NCOR2: variants seen among roughly 807,000 people sequenced by gnomAD.
NCOR2 encodes nuclear receptor corepressor 2, also known as CTG repeat protein 26.
Under a neutral mutation model 262.9 loss-of-function variants are expected in NCOR2, and 81 were observed. The observed-to-expected ratio is 0.31, with a 90% CI of 0.26 to 0.37. The LOEUF (loss-of-function observed/expected upper bound fraction) is 0.37. Among genes scored for constraint, NCOR2 ranks in the 10% least tolerant of loss-of-function variants. The pLI is 1.00. For synonymous variants in NCOR2, 1,659 were observed against 1,559.3 expected, an observed-to-expected ratio of 1.06 and a Z score of -1.51; for missense variants, 3,385 against 3,621.4, an observed-to-expected ratio of 0.93 and a Z score of 1.68.
rs1196779807 is a variant in NCOR2 at position 124,481,174 on chromosome 12, A to G, written c.411+2422T>C. On this transcript the variant is annotated intron_variant, in intron 3 of 46. Transcript: ENST00000405201. The surrounding 1 kb of genome is among the most constrained non-coding windows in gnomAD (Gnocchi z 4.6). ...GAGAGGGAGGAAGAAGGAGGGAGGAAGGTGTAGAAGGAGAGAAGGAAGGGG... is the reference window on the plus strand; with the variant it reads ...GAGAGGGAGGAAGAAGGAGGGAGGAGGGTGTAGAAGGAGAGAAGGAAGGGG... 6.7e-6 allele frequency among the ~76,000 whole-genome samples: 1 copy of G among 150,178 alleles called. No individual in the cohort carries two copies. The highest frequency in any genetic ancestry group is 6.6e-5 in the Admixed American group (1 of 15,138).
intron 2 of NCOR2, 173 bp downstream of exon 4, chr12:124,486,268 C>G: frequency 9.9e-7 from 1 of 1,013,716 alleles, no homozygotes; most frequent in South Asian, 1.6e-5. Flanking sequence ...CTTCCCTGCT[C>G]GTCCCATCCT....
Position 124,504,703 on chromosome 12 carries a change from C to T in NCOR2, c.-117-9335G>A, listed in dbSNP as rs548490008. On this transcript the variant is annotated intron_variant, in intron 1 of 46. Transcript: ENST00000404621. This position sits in a 1 kb window ranked among gnomAD's most constrained non-coding sequence, Gnocchi z 4.5. ...CCATCAATGGACTACGATTCAGCCACGCAAAGGTAAGCGCTGACTCAGCCA... is the reference window on the plus strand; with the variant it reads ...CCATCAATGGACTACGATTCAGCCATGCAAAGGTAAGCGCTGACTCAGCCA... Among the ~76,000 whole-genome samples, 8 of 152,358 alleles carry T rather than the reference C, an allele frequency of 5.3e-5. No homozygotes were observed. Among genetic ancestry groups the T allele is most frequent in the East Asian group, 3.9e-4 (2 of 5,194 alleles).
chr12:124,437,940 C>T (rs2044460267), exon 8 of NCOR2: 3 of 1,612,120 alleles, frequency 1.9e-6, no homozygotes, highest in Non-Finnish European at 2.5e-6. Flanking sequence ...CCATTGTTTC[C>T]GAGCGTGATT....
At chr12:124,439,103 GGAGAGACAGAGACCCA>G (rs2044624494) in intron 7 of NCOR2, among the ~76,000 whole-genome samples, 1 of 86,780 alleles carries the variant, frequency 1.2e-5, no homozygotes, top group Admixed American at 1.4e-4. Context: ...AGAGACAGAG[GGAGAGACAGAGACCCA>G]GAGACAGAGA....
chr12:124,404,344 T>C (rs2042152799), intron 13 of NCOR2, among the ~76,000 whole-genome samples: 1 of 152,178 alleles, frequency 6.6e-6, no homozygotes, highest in Admixed American at 6.5e-5. Flanking sequence ...GGCTTTTGAA[T>C]CACACGGGCT....
At chr12:124,434,499 C>T (rs894241100) in intron 8 of NCOR2, among the ~76,000 whole-genome samples, 3 of 152,142 alleles carry the variant, frequency 2.0e-5, no homozygotes, top group Non-Finnish European at 4.4e-5. Context: ...CCTCCACCCC[C>T]TCCACAGACC....
At chr12:124,445,654 TGACCCCG>T (rs1798369473) in intron 7 of NCOR2, among the ~76,000 whole-genome samples, 1 of 152,128 alleles carries the variant, frequency 6.6e-6, no homozygotes, top group South Asian at 2.1e-4. Context: ...GAGCCCCACC[TGACCCCG>T]GCTGGATCAT....
chr12:124,563,716 T>TAA (rs1205386113), intron 1 of NCOR2, among the ~76,000 whole-genome samples: 3 of 152,274 alleles, frequency 2.0e-5, no homozygotes, highest in African/African-American at 7.2e-5. Flanking sequence ...ATGTTTCAGA[T>TAA]AAAATGAGAC....
At chr12:124,489,760 C>A (rs1175451887) in intron 1 of NCOR2, among the ~76,000 whole-genome samples, 1 of 152,110 alleles carries the variant, frequency 6.6e-6, no homozygotes, top group Non-Finnish European at 1.5e-5. Context: ...GGAGGGAATC[C>A]CAGCTGGTGC....
At chr12:124,383,863 C>T (rs1049717275) in intron 17 of NCOR2, among the ~76,000 whole-genome samples, 6 of 152,222 alleles carry the variant, frequency 3.9e-5, no homozygotes, top group African/African-American at 7.2e-5. Flanking sequence ...GATGGTTCAC[C>T]GTGCTGGGGT....
At chr12:124,496,983 C>T (rs80134151), upstream of NCOR2, among the ~76,000 whole-genome samples, 4,176 of 152,280 alleles carry the variant, frequency 0.027, 180 homozygotes, top group African/African-American at 0.094. This position sits in a 1 kb window ranked among gnomAD's most constrained non-coding sequence, Gnocchi z 4.4. Flanking sequence ...CCACGCCCAC[C>T]GGCAGGAAGG....
exon 47 of NCOR2, chr12:124,325,469 T>A: frequency 7.7e-7 from 1 of 1,303,888 alleles, no homozygotes; most frequent in Non-Finnish European, 9.8e-7. Context: ...GTCCCAGGCG[T>A]GGTGGGGGCC....
At chr12:124,330,001 C>A (rs1228140190) in intron 44 of NCOR2, among the ~76,000 whole-genome samples, 1 of 152,208 alleles carries the variant, frequency 6.6e-6, no homozygotes, top group Non-Finnish European at 1.5e-5. Flanking sequence ...CATTTGGAGG[C>A]CTCGCTGACC....
rs187916277 is a variant in NCOR2 at position 124,500,912 on chromosome 12, C to T, written c.-117-5544G>A. ...CGGGCTGTGGGGAGGATGAAAGGCA[C>T]GCGGGGCTCTGCGCCGCACGTGCCT... On this transcript the variant is annotated intron_variant, in intron 1 of 46. Coordinates refer to the NCOR2 transcript ENST00000404621. 2.1e-3 allele frequency among the ~76,000 whole-genome samples: 325 copies of T among 152,260 alleles called. 1 individual carries two copies. The highest frequency in any genetic ancestry group is 4.6e-3 in the South Asian group (22 of 4,832).
chr12:124,411,116 A>G (rs2042559794), intron 13 of NCOR2, among the ~76,000 whole-genome samples: 1 of 151,248 alleles, frequency 6.6e-6, no homozygotes, highest in Non-Finnish European at 1.5e-5. Context: ...GACAGAGTTA[A>G]AAGACTTAGA....
At chr12:124,557,392 A>C (rs1223295240) in intron 1 of NCOR2, among the ~76,000 whole-genome samples, 5 of 152,192 alleles carry the variant, frequency 3.3e-5, no homozygotes, top group Non-Finnish European at 2.9e-5. Flanking sequence ...TCCTCCCAGC[A>C]GTCCCTGGCA....
At chr12:124,472,992 G>T in exon 4 of NCOR2, 1 of 1,614,144 alleles carries the variant, frequency 6.2e-7, no homozygotes, top group Non-Finnish European at 8.5e-7. Flanking sequence ...CTCTACCATG[G>T]TGATCTCTCG....
At chr12:124,328,119 G>A (rs2034847860) in intron 44 of NCOR2, among the ~76,000 whole-genome samples, 1 of 152,082 alleles carries the variant, frequency 6.6e-6, no homozygotes, top group African/African-American at 2.4e-5. Context: ...TCAAGCCAGA[G>A]CTGGGGGCTG....
intron 19 of NCOR2, 117 bp downstream of exon 21, chr12:124,374,296 G>T: frequency 1.9e-6 from 2 of 1,029,130 alleles, no homozygotes; most frequent in Non-Finnish European, 1.5e-6. Context: ...CACAAACGGT[G>T]GCGCTCACAG....
Sources: gnomAD v4.1 joint callset for allele counts (sites outside exome capture counted in the v4.1 genomes callset) on GRCh38, gnomAD v4.1.1 for gene constraint, Gnocchi (gnomAD v3.1) non-coding constraint, MANE v1.5 for transcripts, NCBI Gene and HGNC (gene_info 2026-07-23, HGNC 2026-07-21) for gene names.